The following KCNT2 variants were observed in gnomAD, a reference collection of about 807,000 sequenced individuals.
The protein encoded by KCNT2 is potassium sodium-activated channel subfamily T member 2.
A neutral mutation model predicts 153.8 loss-of-function variants in KCNT2; 67 were observed. That is an observed-to-expected ratio of 0.44 (90% CI 0.36 to 0.53). The LOEUF is 0.53. KCNT2 is among the 20% of genes least tolerant of loss of function. The pLI is 0.00. For missense variants in KCNT2, 975 were observed against 1,354.8 expected, an observed-to-expected ratio of 0.72 and a Z score of 4.40; for synonymous variants, 500 against 458.8, an observed-to-expected ratio of 1.09 and a Z score of -1.15.
chr1:196,494,315 C>T (rs996099861), intron 1 of KCNT2, among the ~76,000 whole-genome samples: 4 of 152,132 alleles, frequency 2.6e-5, no homozygotes, highest in African/African-American at 9.7e-5. Flanking sequence ...TGCAGATTTG[C>T]TTCCTAGAAT....
intron 24 of KCNT2, 53 bp downstream of exon 24, chr1:196,282,220 A>C (rs1370799286): frequency 9.1e-6 from 9 of 985,934 alleles, no homozygotes; most frequent in Non-Finnish European, 1.4e-5. Context: ...CGGTAGATAG[A>C]TTTCAGAACC....
intron 8 of KCNT2, among the ~76,000 whole-genome samples, chr1:196,438,163 T>C (rs1481608931): frequency 6.6e-6 from 1 of 151,760 alleles, no homozygotes; most frequent in African/African-American, 2.4e-5. Context: ...AGTAGTAATT[T>C]TGTTATTTAT....
rs550934227 is a variant in KCNT2 at position 196,520,366 on chromosome 1, G to A, written c.96-28025C>T. On this transcript the variant is annotated intron_variant, in intron 1 of 27. Transcript: ENST00000294725. ...CCAATATCATACTGAATAGGCAAAAGCTAGAAGCATTATACTTGAAAATTG... is the reference window on the plus strand; with the variant it reads ...CCAATATCATACTGAATAGGCAAAAACTAGAAGCATTATACTTGAAAATTG... 1.7e-4 allele frequency among the ~76,000 whole-genome samples: 26 copies of A among 151,944 alleles called. No individual in the cohort carries two copies. In the South Asian group the frequency reaches 5.2e-3, roughly 30 times the overall value.
At chr1:196,441,071 C>T (rs1675181978) in intron 8 of KCNT2, among the ~76,000 whole-genome samples, 1 of 151,614 alleles carries the variant, frequency 6.6e-6, no homozygotes, top group African/African-American at 2.4e-5. Flanking sequence ...ATGTGGCTCA[C>T]CAAATTGAGC....
chr1:196,378,300 G>C (rs1669144275), intron 13 of KCNT2, among the ~76,000 whole-genome samples: 1 of 152,116 alleles, frequency 6.6e-6, no homozygotes, highest in African/African-American at 2.4e-5. Flanking sequence ...TTGTGTATCT[G>C]TATGGGGTAG....
chr1:196,544,455 T>G (rs1200853989), intron 1 of KCNT2, among the ~76,000 whole-genome samples: 1 of 151,970 alleles, frequency 6.6e-6, no homozygotes, highest in Non-Finnish European at 1.5e-5. Flanking sequence ...AGTCTTAAAA[T>G]TTTAAACCAC....
intron 8 of KCNT2, among the ~76,000 whole-genome samples, chr1:196,435,220 T>C (rs1253452940): frequency 7.0e-6 from 1 of 141,956 alleles, no homozygotes; most frequent in African/African-American, 2.6e-5. Flanking sequence ...ATTTGTTTCT[T>C]TCTTAAACTT....
intron 8 of KCNT2, among the ~76,000 whole-genome samples, chr1:196,442,010 A>G (rs1021188198): frequency 6.6e-6 from 1 of 151,840 alleles, no homozygotes; most frequent in African/African-American, 2.4e-5. Context: ...AGACAAAAGC[A>G]CTATGGTCAA....
At chr1:196,393,684 T>G (rs1670675398) in intron 13 of KCNT2, among the ~76,000 whole-genome samples, 1 of 151,492 alleles carries the variant, frequency 6.6e-6, no homozygotes. Context: ...GATTAAATGT[T>G]GAGCTACAGA....
chr1:196,395,625 G>GAAGTCTTT (rs1670873348), intron 13 of KCNT2, among the ~76,000 whole-genome samples: 1 of 151,472 alleles, frequency 6.6e-6, no homozygotes, highest in Non-Finnish European at 1.5e-5. Flanking sequence ...CGAGCTTAAA[G>GAAGTCTTT]ACTTGAAGAA....
At chr1:196,342,573 A>T (rs925812067) in intron 14 of KCNT2, among the ~76,000 whole-genome samples, 3 of 151,164 alleles carry the variant, frequency 2.0e-5, no homozygotes, top group Non-Finnish European at 2.9e-5. Context: ...GTCTCTCTTT[A>T]TATACATATC....
chr1:196,605,998 C>T (rs747316388), intron 1 of KCNT2, among the ~76,000 whole-genome samples: 1 of 152,256 alleles, frequency 6.6e-6, no homozygotes, highest in East Asian at 1.9e-4. Context: ...ATCCAAGACA[C>T]GTATTTAATT....
chr1:196,496,960 A>C (rs1464152132), intron 1 of KCNT2, among the ~76,000 whole-genome samples: 1 of 152,226 alleles, frequency 6.6e-6, no homozygotes, highest in South Asian at 2.1e-4. Context: ...TCTCAACAAT[A>C]TTATAACAAA....
At position 196,326,748 on chromosome 1, in the gene KCNT2, G is replaced by A. The variant is rs1253808312; in HGVS notation, c.2245C>T (p.Leu749Phe). Reference sequence around the variant, plus strand: ...TCCAATAGCAGTACTATGGGATTAAGTTCTTTCTTTGGTCTATAATATGCC... The same window carrying A: ...TCCAATAGCAGTACTATGGGATTAAATTCTTTCTTTGGTCTATAATATGCC... ...LRAYYRPKKE[L>F]NPIVLLLDNP... Residue 749 changes from leucine to phenylalanine, a missense_variant, in exon 19 of 28, where the codon CTT becomes TTT. By Grantham distance (22) the Leu-to-Phe change is conservative. Coordinates refer to ENST00000294725, the MANE Select transcript of KCNT2 (RefSeq NM_198503.5). The A allele has an allele frequency of 1.3e-6, 2 of 1,553,612 alleles. No homozygotes were observed. Among genetic ancestry groups the A allele is most frequent in the African/African-American group, 1.4e-5 (1 of 70,680 alleles).
intron 8 of KCNT2, among the ~76,000 whole-genome samples, chr1:196,438,239 T>C (rs948582431): frequency 1.3e-5 from 2 of 151,776 alleles, no homozygotes; most frequent in Non-Finnish European, 2.9e-5. Flanking sequence ...AAAAGTCTCA[T>C]AAAGCTTTTG....
intron 1 of KCNT2, among the ~76,000 whole-genome samples, chr1:196,575,976 T>TGA (rs1661321011): frequency 7.7e-6 from 1 of 130,318 alleles, no homozygotes; most frequent in South Asian, 2.5e-4. Context: ...AGACCCTGTC[T>TGA]AAAAAAAAAA....
At chr1:196,342,945 G>A (rs1289214777) in intron 14 of KCNT2, 1 of 152,072 alleles carries the variant, frequency 6.6e-6, no homozygotes, top group Non-Finnish European at 1.5e-5. Flanking sequence ...GGTTATGAGA[G>A]TGGAGCCCTC....
rs113655224 is a variant in KCNT2, at chr1:196,392,187, T to C, written c.1294+6376A>G. Among the ~76,000 whole-genome samples the C allele has an allele frequency of 3.0e-3, 459 of 151,424 alleles. 4 individuals carry two copies. The highest frequency in any genetic ancestry group is 0.011 in the South Asian group (52 of 4,820). On this transcript the variant is annotated intron_variant, in intron 13 of 27. Coordinates refer to ENST00000294725, the MANE Select transcript of KCNT2 (RefSeq NM_198503.5). ...TTTTTGAATGTAGATGGAGAGAATA[T>C]GGTTTTTTTTAATTGTGTAACTGTT...
chr1:196,270,328 C>A (rs887753969), intron 25 of KCNT2, among the ~76,000 whole-genome samples: 1 of 151,886 alleles, frequency 6.6e-6, no homozygotes, highest in Non-Finnish European at 1.5e-5. Flanking sequence ...AATTAAAGAA[C>A]GGTTTCTGTA....
Sources: allele counts gnomAD v4.1 joint callset (sites outside exome capture counted in the v4.1 genomes callset), GRCh38; gene constraint gnomAD v4.1.1; transcripts MANE v1.5; gene names NCBI Gene and HGNC (gene_info 2026-07-23, HGNC 2026-07-21).